MIB1: variants seen among roughly 807,000 people sequenced by gnomAD.
The protein encoded by MIB1 is E3 ubiquitin-protein ligase MIB1.
In MIB1, 278 loss-of-function variants were observed where a neutral mutation model predicts 124.5. The ratio of observed to expected loss-of-function variants is 2.23; its 90% CI spans 2.02 to 2.47. The LOEUF is 2.47. MIB1 is among the 30% of genes most tolerant of loss of function. The pLI, the probability that MIB1 is intolerant of heterozygous loss-of-function variation, is 0.00. For missense variants in MIB1, 957 were observed against 1,254.4 expected (o/e 0.76, Z 3.58); for synonymous variants, 446 against 429.4 (o/e 1.04, Z -0.48).
intron 17 of MIB1, 108 bp from the exon 18 acceptor site, chr18:21,853,032 C>G: frequency 1.4e-6 from 1 of 724,688 alleles, no homozygotes; most frequent in Non-Finnish European, 2.4e-6. Flanking sequence ...TTTCTCTGTG[C>G]CTAGGTGTTT....
At chr18:21,843,288 A>C in intron 14 of MIB1, 71 bp downstream of exon 14, 1 of 1,012,608 alleles carries the variant, frequency 9.9e-7, no homozygotes, top group Non-Finnish European at 1.4e-6. Flanking sequence ...CTTCCTGAAA[A>C]TTGAAATGAT....
At chr18:21,827,683 A>C (rs2041938473) in intron 12 of MIB1, 1 of 152,094 alleles carries the variant, frequency 6.6e-6, no homozygotes, top group African/African-American at 2.4e-5. Context: ...GAAAGTGTAG[A>C]ATTTTAAAAT....
intron 1 of MIB1, among the ~76,000 whole-genome samples, chr18:21,732,351 T>TACACACACACACACAC (rs59731612): frequency 1.3e-4 from 19 of 141,058 alleles, no homozygotes; most frequent in East Asian, 1.3e-3. Flanking sequence ...ATTATATGTA[T>TACACACACACACACAC]ACACACACAC....
At position 21,799,964 on chromosome 18, in the gene MIB1, C is replaced by G; in HGVS notation, c.1361C>G (p.Pro454Arg). The change falls in exon 9 of 21, where the codon CCA (proline) becomes CGA (arginine). Residue 454 changes from proline (P) to arginine (R), a missense_variant. Physicochemically the swap from Pro to Arg is moderately radical, Grantham distance 103. Transcript: ENST00000261537. ...VAKVEDLLKRPDVDVNGQCAG... is the reference protein window; with the variant it reads ...VAKVEDLLKRRDVDVNGQCAG... The stretch of plus-strand genomic sequence containing the variant: ...AAAGTGGAAGATTTGCTTAAAAGAC[C>G]AGATGTGGATGTGAGCATTTTAAAA... 1 of 1,610,932 alleles carries G rather than the reference C, an allele frequency of 6.2e-7. No individual in the cohort carries two copies. The highest frequency in any genetic ancestry group is 1.1e-5 in the South Asian group (1 of 90,736).
At position 21,829,094 on chromosome 18, in the gene MIB1, T is replaced by C. The variant is rs762757346; in HGVS notation, c.1830-9271T>C. ...AGTATGTACTCTGAGTAGGTATTAC[T>C]AAGTTGTTAGCTGTAAAAACATGAA... On this transcript the variant is annotated intron_variant, in intron 12 of 20. Coordinates refer to ENST00000261537, the MANE Select transcript of MIB1 (RefSeq NM_020774.4). The C allele has an allele frequency of 1.1e-4, 51 of 452,404 alleles. 4 individuals are homozygous for C. The highest frequency in any genetic ancestry group is 8.5e-4 in the South Asian group (51 of 59,808). 28.0% of individuals were successfully genotyped at this position (452,404 alleles called of 1,614,324 possible).
Position 21,773,729 on chromosome 18 carries a change from G to A in MIB1, c.636+1G>A, listed in dbSNP as rs773182136. 1.3e-6 allele frequency: 2 copies of A among 1,582,172 alleles called. No individual in the cohort carries two copies. Among genetic ancestry groups the A allele is most frequent in the Admixed American group, 3.6e-5 (2 of 54,818 alleles). Reference sequence around the variant, plus strand: ...TTACAGAGTTGGCTTTGAGGGCATGGTAAGTAGTGAAGAGCCATAGCAGGT... The same window carrying A: ...TTACAGAGTTGGCTTTGAGGGCATGATAAGTAGTGAAGAGCCATAGCAGGT... On this transcript the variant is annotated splice_donor_variant, in intron 4 of 20. Transcript: ENST00000261537. LOFTEE classifies it high-confidence loss of function.
At chr18:21,753,345 C>T (rs764304997) in intron 1 of MIB1, among the ~76,000 whole-genome samples, 8 of 152,128 alleles carry the variant, frequency 5.3e-5, no homozygotes, top group Middle Eastern at 3.4e-3. Flanking sequence ...CCTGCCACTA[C>T]ACCTGGCTTA....
intron 6 of MIB1, among the ~76,000 whole-genome samples, chr18:21,790,929 G>A (rs903607378): frequency 1.3e-5 from 2 of 152,000 alleles, no homozygotes; most frequent in Non-Finnish European, 2.9e-5. Flanking sequence ...GAGGTGCTGG[G>A]GCGGTGGTTC....
chr18:21,774,112 A>T lies in MIB1; in HGVS notation c.636+384A>T, dbSNP rs142243925. 1.2e-3 allele frequency among the ~76,000 whole-genome samples: 187 copies of T among 152,382 alleles called. 5 individuals carry two copies. Among genetic ancestry groups the T allele is most frequent in the Non-Finnish European group, 1.3e-4 (9 of 68,038 alleles). On this transcript the variant is annotated intron_variant, in intron 4 of 20. Coordinates refer to ENST00000261537, the MANE Select transcript of MIB1 (RefSeq NM_020774.4). ...AGCTTATATAAAAGTATAAATTACA[A>T]CAAATATTAAAATTATTTTTTAGGA... is the stretch of plus-strand genomic sequence containing the variant.
Position 21,865,613 on chromosome 18 carries a change from T to G in MIB1, c.*947T>G, listed in dbSNP as rs1295852060. The stretch of plus-strand genomic sequence containing the variant: ...TTTAGCTTTGCAGATGTACATAGTA[T>G]CCCAGTGATCTGCAAAATTAATGCC... On this transcript the variant is annotated 3_prime_UTR_variant, in exon 21 of 21. Transcript: ENST00000261537. The G allele has an allele frequency of 6.6e-6, 1 of 152,668 alleles. No homozygotes were observed. Among genetic ancestry groups the G allele is most frequent in the African/African-American group, 2.4e-5 (1 of 41,460 alleles). The allele number at this position is 152,668 out of a possible 1,614,324, so 9.5% of individuals were successfully genotyped here.
chr18:21,825,614 A>G (rs1038629400), intron 12 of MIB1: 1 of 474,582 alleles, frequency 2.1e-6, no homozygotes, highest in Non-Finnish European at 4.4e-6. Flanking sequence ...GATTATAATC[A>G]CAGTCTGCAT....
At chr18:21,714,689 T>C (rs940393813) in intron 1 of MIB1, among the ~76,000 whole-genome samples, 1 of 152,170 alleles carries the variant, frequency 6.6e-6, no homozygotes, top group African/African-American at 2.4e-5. Context: ...GGTTTCCAAA[T>C]TGGCCTTCCA....
At position 21,815,759 on chromosome 18, in the gene MIB1, T is replaced by A; in HGVS notation, c.1623T>A (p.Gly541=). The A allele has an allele frequency of 1.2e-6, 2 of 1,614,112 alleles. No individual in the cohort carries two copies. Among genetic ancestry groups the A allele is most frequent in the Non-Finnish European group, 1.7e-6 (2 of 1,180,000 alleles). ...QTPLHIAVNK[G]HLQVVKTLLD... is the part of the protein sequence containing the mutation. ...CACTTCATATTGCTGTCAATAAAGG[T>A]CATCTTCAAGTTGTGAAGACTTTAT... Residue 541 remains glycine (G), a synonymous_variant, in exon 11 of 21, where the codon GGT becomes GGA. Coordinates refer to ENST00000261537, the MANE Select transcript of MIB1 (RefSeq NM_020774.4).
Position 21,857,158 on chromosome 18 carries a change from G to T in MIB1, c.2694G>T (p.Val898=), listed in dbSNP as rs1349381530. 6.2e-7 allele frequency: 1 copy of T among 1,614,114 alleles called. No individual in the cohort carries two copies. The highest frequency in any genetic ancestry group is 1.7e-5 in the Admixed American group (1 of 60,030). Residue 898 remains valine (V), a synonymous_variant, in exon 19 of 21, where the codon GTG becomes GTT. Coordinates refer to ENST00000261537, the MANE Select transcript of MIB1 (RefSeq NM_020774.4). ...GTGCTAACCTGATGAAAAAGTGTGT[G>T]CAGTGTCGAGCAGTAGTTGAACGAA... ...ENCANLMKKC[V]QCRAVVERRV...
intron 10 of MIB1, among the ~76,000 whole-genome samples, chr18:21,804,402 T>C (rs1427390173): frequency 1.3e-5 from 2 of 152,382 alleles, no homozygotes; most frequent in East Asian, 3.9e-4. Flanking sequence ...TGTTTTGTCA[T>C]AACTGAATTA....
At chr18:21,718,900 T>A (rs1486520253) in intron 1 of MIB1, among the ~76,000 whole-genome samples, 1 of 152,046 alleles carries the variant, frequency 6.6e-6, no homozygotes, top group East Asian at 1.9e-4. Context: ...AAAACAATTT[T>A]AAAAAATTAG....
intron 1 of MIB1, among the ~76,000 whole-genome samples, chr18:21,732,304 G>A (rs2040774596): frequency 6.7e-6 from 1 of 149,100 alleles, no homozygotes; most frequent in East Asian, 2.0e-4. Context: ...CTCTAGCCTG[G>A]GCAACAGCGT....
chr18:21,787,056 T>C (rs1286087326), intron 6 of MIB1, among the ~76,000 whole-genome samples: 1 of 152,168 alleles, frequency 6.6e-6, no homozygotes, highest in Non-Finnish European at 1.5e-5. Context: ...TCTGCTTATT[T>C]TGGTCTTTCT....
chr18:21,806,027 C>G (rs1000903217), intron 10 of MIB1, among the ~76,000 whole-genome samples: 1 of 151,168 alleles, frequency 6.6e-6, no homozygotes. Context: ...CTCAGCCTCC[C>G]GAGTAGCTGA....
Sources: allele counts gnomAD v4.1 joint callset (sites outside exome capture counted in the v4.1 genomes callset), GRCh38; gene constraint gnomAD v4.1.1; transcripts MANE v1.5; gene names NCBI Gene and HGNC (gene_info 2026-07-23, HGNC 2026-07-21).